Variants in APP observed in about 807,000 individuals in gnomAD.
APP encodes amyloid-beta precursor protein.
Under a neutral mutation model 101.4 loss-of-function variants are expected in APP, and 31 were observed. The observed-to-expected ratio is 0.31, with a 90% confidence interval of 0.23 to 0.41. APP has a LOEUF of 0.41. APP is among the 10% of genes least tolerant of loss of function. The probability of loss-of-function intolerance (pLI) is 1.00; values close to 1 mark genes in which losing one functional copy is unlikely to be tolerated. For missense variants in APP, 839 were observed against 1,003.7 expected (o/e 0.84, Z 2.22); for synonymous variants, 366 against 364.4 (o/e 1.00, Z -0.05).
chr21:25,988,418 C>T (rs1335150009), intron 8 of APP, among the ~76,000 whole-genome samples: 2 of 152,128 alleles, frequency 1.3e-5, no homozygotes, highest in Admixed American at 6.5e-5. Flanking sequence ...GAGGAAAAGA[C>T]AGGCTGGGTG....
Position 25,881,770 on chromosome 21 carries a change from A to T in APP, c.2213T>A (p.Val738Asp), listed in dbSNP as rs1353342006. The T allele has an allele frequency of 1.9e-6, 3 of 1,613,474 alleles. No homozygotes were observed. The highest frequency in any genetic ancestry group is 1.7e-6 in the Non-Finnish European group (2 of 1,180,006). The change falls in exon 18 of 18, where the codon GTT (valine) becomes GAT (aspartate). Residue 738 changes from valine (V) to aspartate (D), a missense_variant and splice_region_variant. By Grantham distance (152) the Val-to-Asp change is radical. Transcript: ENST00000346798. Reference sequence around the variant, plus strand: ...CTCCTCTGGGGTGACAGCGGCGTCAACCTGAAAAACAAGAGGAGAGCTGAG... The same window carrying T: ...CTCCTCTGGGGTGACAGCGGCGTCATCCTGAAAAACAAGAGGAGAGCTGAG... ...YTSIHHGVVE[V>D]DAAVTPEERH...
At chr21:26,026,612 T>C (rs2044588135) in intron 5 of APP, among the ~76,000 whole-genome samples, 1 of 152,228 alleles carries the variant, frequency 6.6e-6, no homozygotes, top group Non-Finnish European at 1.5e-5. Context: ...TCACCATTTG[T>C]ATTTTCTAAG....
chr21:25,910,283 A>G (rs2039005025), intron 14 of APP, among the ~76,000 whole-genome samples: 1 of 152,008 alleles, frequency 6.6e-6, no homozygotes, highest in Non-Finnish European at 1.5e-5. Context: ...GCCCGCCACC[A>G]CGCCCGGCTA....
intron 8 of APP, among the ~76,000 whole-genome samples, chr21:25,984,199 C>G (rs1443920680): frequency 6.6e-6 from 1 of 151,274 alleles, no homozygotes; most frequent in African/African-American, 2.4e-5. Flanking sequence ...TTCAAAGCCA[C>G]TGAAAATGTT....
At chr21:26,159,928 G>A (rs996844335) in intron 1 of APP, among the ~76,000 whole-genome samples, 2 of 152,040 alleles carry the variant, frequency 1.3e-5, no homozygotes, top group African/African-American at 4.8e-5. Flanking sequence ...ACGAAGAAAG[G>A]AACTACCAAG....
chr21:26,155,240 C>G (rs2063351195), intron 1 of APP, among the ~76,000 whole-genome samples: 1 of 152,210 alleles, frequency 6.6e-6, no homozygotes, highest in Middle Eastern at 3.4e-3. Flanking sequence ...CTAGCCTGGG[C>G]AACCGACTGA....
chr21:25,978,528 A>G (rs1041327681), intron 9 of APP, among the ~76,000 whole-genome samples: 11 of 152,228 alleles, frequency 7.2e-5, no homozygotes, highest in Admixed American at 2.0e-4. Flanking sequence ...GTGGCTCTAA[A>G]GATCATGTTT....
At chr21:25,993,516 G>A (rs1252873326) in intron 8 of APP, among the ~76,000 whole-genome samples, 2 of 152,152 alleles carry the variant, frequency 1.3e-5, no homozygotes, top group African/African-American at 4.8e-5. Flanking sequence ...GGAAAACTAC[G>A]AGACCTTCAA....
chr21:25,991,470 C>T (rs558783822), intron 8 of APP, among the ~76,000 whole-genome samples: 8 of 152,220 alleles, frequency 5.3e-5, no homozygotes, highest in African/African-American at 1.4e-4. Flanking sequence ...CTCTGCCTCC[C>T]GGGTTCAAGT....
rs535604868 is a variant in APP at position 26,059,474 on chromosome 21, A to T, written c.356-6126T>A. Among the ~76,000 whole-genome samples, 15 of 152,324 alleles carry T rather than the reference A, an allele frequency of 9.8e-5. No individual in the cohort carries two copies. The South Asian group carries it at 3.1e-3, about 32-fold the overall frequency. On this transcript the variant is annotated intron_variant, in intron 3 of 17. Transcript: ENST00000346798. ...GGGCCCAGATCTGCCTTGTGAAGATAAAACACCAGTATTGTTAGTAACTCT... is the reference window on the plus strand; with the variant it reads ...GGGCCCAGATCTGCCTTGTGAAGATTAAACACCAGTATTGTTAGTAACTCT...
chr21:25,895,216 C>T (rs2037959342), intron 16 of APP, among the ~76,000 whole-genome samples: 1 of 150,858 alleles, frequency 6.6e-6, no homozygotes, highest in Non-Finnish European at 1.5e-5. Context: ...TCTTGTTGCC[C>T]AGGCTGGAGT....
At chr21:25,900,953 A>G (rs1268696287) in intron 15 of APP, among the ~76,000 whole-genome samples, 1 of 135,812 alleles carries the variant, frequency 7.4e-6, no homozygotes, top group Non-Finnish European at 1.5e-5. Flanking sequence ...GTGCCACTGC[A>G]CTCCAGCCTG....
At chr21:25,976,201 ATAAT>A (rs1483485232) in intron 9 of APP, among the ~76,000 whole-genome samples, 173 bp from the exon 10 acceptor site, 6 of 152,220 alleles carry the variant, frequency 3.9e-5, no homozygotes, top group African/African-American at 1.2e-4. Flanking sequence ...TAGGATATAA[ATAAT>A]TAATCACAGC....
chr21:26,084,211 T>A (rs941736746), intron 3 of APP, among the ~76,000 whole-genome samples: 1 of 145,550 alleles, frequency 6.9e-6, no homozygotes, highest in South Asian at 2.2e-4. Context: ...GAGGATGACC[T>A]ACCTAGAAGG....
At chr21:26,103,018 CA>C (rs2062098276) in intron 2 of APP, among the ~76,000 whole-genome samples, 1 of 149,978 alleles carries the variant, frequency 6.7e-6, no homozygotes, top group African/African-American at 2.4e-5. Context: ...TGTTTTCTAT[CA>C]AAGAATGTCA....
chr21:25,957,897 T>A (rs2041392279), intron 11 of APP, among the ~76,000 whole-genome samples: 1 of 151,944 alleles, frequency 6.6e-6, no homozygotes, highest in Non-Finnish European at 1.5e-5. Flanking sequence ...GTCAGGAGGA[T>A]TATTTGAACC....
rs532679876 is a variant in APP at position 26,032,789 on chromosome 21, T to C, written c.663-10747A>G. 3.5e-3 allele frequency among the ~76,000 whole-genome samples: 256 copies of C among 72,824 alleles called. 1 individual carries two copies. The highest frequency in any genetic ancestry group is 9.9e-3 in the African/African-American group (248 of 24,934). The allele number at this position is 72,824 out of a possible 152,430, so 47.8% of individuals were successfully genotyped here. ...GTAATGTTTTTCTTGGGGCTTATTATTTTAGAAAAAAAAAAAATATATATA... is the reference window on the plus strand; with the variant it reads ...GTAATGTTTTTCTTGGGGCTTATTACTTTAGAAAAAAAAAAAATATATATA... On this transcript the variant is annotated intron_variant, in intron 5 of 17. Coordinates refer to ENST00000346798, the MANE Select transcript of APP (RefSeq NM_000484.4).
At chr21:25,921,371 CT>C (rs879309696) in intron 13 of APP, among the ~76,000 whole-genome samples, 9 of 130,182 alleles carry the variant, frequency 6.9e-5, no homozygotes, top group Non-Finnish European at 1.1e-4. Flanking sequence ...CAAGAAATAA[CT>C]AAAATCAGAG....
chr21:25,978,282 A>G (rs1264920792), intron 9 of APP, among the ~76,000 whole-genome samples: 2 of 152,222 alleles, frequency 1.3e-5, no homozygotes, highest in South Asian at 2.1e-4. Context: ...AATACACACT[A>G]TATGTAGGCT....
Sources: gnomAD v4.1 joint callset for allele counts (sites outside exome capture counted in the v4.1 genomes callset) on GRCh38, gnomAD v4.1.1 for gene constraint, MANE v1.5 for transcripts, NCBI Gene and HGNC (gene_info 2026-07-23, HGNC 2026-07-21) for gene names.